ZNF679: variants seen among roughly 807,000 people sequenced by gnomAD.
ZNF679 encodes hypothetical protein MGC42415.
Under a neutral mutation model 13.4 loss-of-function variants are expected in ZNF679, and 10 were observed. That is an observed-to-expected ratio of 0.75 (90% CI 0.46 to 1.27). The LOEUF is 1.27. ZNF679 is among the 50% of genes most tolerant of loss of function. The probability of loss-of-function intolerance (pLI) is 0.00; values close to 1 mark genes in which losing one functional copy is unlikely to be tolerated. For synonymous variants in ZNF679, 179 were observed against 162.5 expected, an observed-to-expected ratio of 1.10 and a Z score of -0.77; for missense variants, 525 against 477.8, an observed-to-expected ratio of 1.10 and a Z score of -0.92.
At chr7:64,249,558 G>A (rs1039116365) in intron 2 of ZNF679, among the ~76,000 whole-genome samples, 2 of 152,152 alleles carry the variant, frequency 1.3e-5, no homozygotes, top group African/African-American at 4.8e-5. Flanking sequence ...AAATGTATGG[G>A]AGTCACTGTA....
intron 1 of ZNF679, among the ~76,000 whole-genome samples, chr7:64,241,294 A>G (rs1446157242): frequency 6.6e-6 from 1 of 152,234 alleles, no homozygotes; most frequent in Admixed American, 6.5e-5. Flanking sequence ...TCCACCTGTA[A>G]GCTGTGCCCA....
chr7:64,263,207 T>C (rs1412074466), intron 4 of ZNF679, among the ~76,000 whole-genome samples: 5 of 152,144 alleles, frequency 3.3e-5, no homozygotes, highest in Admixed American at 6.5e-5. Context: ...TCCTTCCACC[T>C]TGGCCTCCTG....
intron 4 of ZNF679, among the ~76,000 whole-genome samples, chr7:64,261,547 A>G (rs1460390887): frequency 6.6e-6 from 1 of 152,122 alleles, no homozygotes; most frequent in East Asian, 1.9e-4. Context: ...AGATTTATAA[A>G]TAGAATTGCT....
chr7:64,230,015 C>T (rs998829753), intron 1 of ZNF679, among the ~76,000 whole-genome samples: 1 of 152,186 alleles, frequency 6.6e-6, no homozygotes. Context: ...TTCCCACTGT[C>T]GGCATGGCCC....
chr7:64,255,415 T>C (rs1007816589), intron 2 of ZNF679, among the ~76,000 whole-genome samples: 20 of 152,114 alleles, frequency 1.3e-4, no homozygotes, highest in Non-Finnish European at 2.4e-4. Flanking sequence ...TTTCCTGGCA[T>C]ATCCCCAACC....
intron 1 of ZNF679, among the ~76,000 whole-genome samples, chr7:64,238,437 G>C (rs889651865): frequency 6.6e-6 from 1 of 152,036 alleles, no homozygotes; most frequent in African/African-American, 2.4e-5. Context: ...CTCCAGGCTG[G>C]AGTGCAGTGG....
chr7:64,259,018 T>C (rs1788041419), intron 2 of ZNF679, among the ~76,000 whole-genome samples: 1 of 152,086 alleles, frequency 6.6e-6, no homozygotes. Context: ...TTCAAGCGAT[T>C]CTCCTGCCTC....
intron 1 of ZNF679, among the ~76,000 whole-genome samples, chr7:64,229,570 G>A (rs972068212): frequency 6.6e-6 from 1 of 152,144 alleles, no homozygotes; most frequent in Non-Finnish European, 1.5e-5. Flanking sequence ...ATGTGCCTAT[G>A]AGAGTCACAA....
chr7:64,250,878 C>G (rs752978881), intron 2 of ZNF679, among the ~76,000 whole-genome samples: 1 of 152,154 alleles, frequency 6.6e-6, no homozygotes, highest in Non-Finnish European at 1.5e-5. Context: ...TGAGCCACCA[C>G]GCCAGGCCTC....
intron 3 of ZNF679, among the ~76,000 whole-genome samples, 178 bp downstream of exon 3, chr7:64,260,525 TC>T (rs1788062917): frequency 6.6e-6 from 1 of 152,310 alleles, no homozygotes; most frequent in South Asian, 2.1e-4. Flanking sequence ...CCTGAACTTT[TC>T]CCTTTCCTGA....
intron 1 of ZNF679, among the ~76,000 whole-genome samples, chr7:64,244,106 C>T (rs997028062): frequency 6.6e-6 from 1 of 151,904 alleles, no homozygotes; most frequent in African/African-American, 2.4e-5. Context: ...AAAAATTAGC[C>T]AGGTGTGGTG....
chr7:64,236,469 G>C (rs1391370198), intron 1 of ZNF679, among the ~76,000 whole-genome samples: 5 of 151,572 alleles, frequency 3.3e-5, no homozygotes, highest in Non-Finnish European at 7.4e-5. Context: ...AAAAAGGGCA[G>C]AATAAGAGAA....
At chr7:64,250,774 A>G (rs1463693717) in intron 2 of ZNF679, among the ~76,000 whole-genome samples, 1 of 151,766 alleles carries the variant, frequency 6.6e-6, no homozygotes, top group African/African-American at 2.4e-5. Flanking sequence ...TTTTTAGTAG[A>G]GATGGGGTTT....
At chr7:64,236,922 GAAGAAAGAAAGAAAGAAAGA>G (rs1290345784) in intron 1 of ZNF679, among the ~76,000 whole-genome samples, 6 of 85,338 alleles carry the variant, frequency 7.0e-5, no homozygotes, top group East Asian at 4.3e-4. Context: ...AAGAAAGAAA[GAAGAAAGAAAGAAAGAAAGA>G]AAGAAAGAAA....
chr7:64,260,183 T>C, intron 2 of ZNF679, 38 bp from the exon 3 acceptor site: 1 of 1,568,184 alleles, frequency 6.4e-7, no homozygotes, highest in East Asian at 2.3e-5. Context: ...TGTTTGTGTG[T>C]TCATGAGTGT....
Position 64,266,773 on chromosome 7 carries a change from C to T in ZNF679, c.1140C>T (p.Tyr380=), listed in dbSNP as rs771020774. 1.2e-6 allele frequency: 2 copies of T among 1,610,176 alleles called. No individual in the cohort carries two copies. Among genetic ancestry groups the T allele is most frequent in the South Asian group, 1.1e-5 (1 of 90,694 alleles). Residue 380 remains tyrosine, a synonymous_variant, in exon 5 of 5, where the codon TAC becomes TAT. Coordinates refer to ENST00000421025, the MANE Select transcript of ZNF679 (RefSeq NM_153363.3). ...GGATTCATACTGGAGAGGAACCCTA[C>T]AAATGTGAAGAATGTGACAAAGCTT... The part of the protein sequence containing the change: ...HKRIHTGEEP[Y]KCEECDKAFK...
rs752484709 is a variant in ZNF679, at chr7:64,266,755, T to C, written c.1122T>C (p.His374=). 6.2e-7 allele frequency: 1 copy of C among 1,611,192 alleles called. No homozygotes were observed. The highest frequency in any genetic ancestry group is 1.7e-5 in the Admixed American group (1 of 59,522). Residue 374 remains histidine (H), a synonymous_variant, in exon 5 of 5, where the codon CAT becomes CAC. Transcript: ENST00000421025. ...SSTLNTHKRI[H]TGEEPYKCEE... ...CTCTTAATACTCATAAGAGGATTCA[T>C]ACTGGAGAGGAACCCTACAAATGTG... is the stretch of plus-strand genomic sequence containing the variant.
chr7:64,242,941 G>A (rs1304571940), intron 1 of ZNF679, among the ~76,000 whole-genome samples: 4 of 152,086 alleles, frequency 2.6e-5, no homozygotes, highest in African/African-American at 9.7e-5. Context: ...CACATGGGAT[G>A]GCCAATATTC....
chr7:64,232,734 G>A (rs188539175), intron 1 of ZNF679, among the ~76,000 whole-genome samples: 40 of 152,294 alleles, frequency 2.6e-4, no homozygotes, highest in African/African-American at 8.2e-4. Flanking sequence ...CAGGAGAGAA[G>A]AGTCATATCG....
Sources: allele counts gnomAD v4.1 joint callset (sites outside exome capture counted in the v4.1 genomes callset), GRCh38; gene constraint gnomAD v4.1.1; transcripts MANE v1.5; gene names NCBI Gene and HGNC (gene_info 2026-07-23, HGNC 2026-07-21).